Variants in SCAF11 observed in about 807,000 individuals in gnomAD.
SCAF11 encodes protein SCAF11.
A neutral mutation model predicts 140.5 loss-of-function variants in SCAF11; 47 were observed. The observed-to-expected ratio is 0.33, with a 90% CI of 0.26 to 0.43. The LOEUF is 0.43. Among genes scored for constraint, SCAF11 ranks in the 20% least tolerant of loss-of-function variants. SCAF11 has a pLI of 1.00. For synonymous variants in SCAF11, 557 were observed against 579.4 expected, an observed-to-expected ratio of 0.96 and a Z score of 0.55; for missense variants, 1,645 against 1,705.1, an observed-to-expected ratio of 0.96 and a Z score of 0.62.
intron 6 of SCAF11, among the ~76,000 whole-genome samples, chr12:45,938,066 G>C (rs1268790695): frequency 6.6e-6 from 1 of 152,148 alleles, no homozygotes; most frequent in East Asian, 1.9e-4. Context: ...AAATGTCTAT[G>C]TATCAGCTTT....
intron 1 of SCAF11, among the ~76,000 whole-genome samples, chr12:45,970,079 A>G (rs1416115230): frequency 6.6e-6 from 1 of 152,164 alleles, no homozygotes; most frequent in African/African-American, 2.4e-5. Flanking sequence ...TATTTTTAGG[A>G]GAGACGGGGT....
At chr12:45,990,599 T>C, upstream of SCAF11, 1 of 1,225,310 alleles carries the variant, frequency 8.2e-7, no homozygotes, top group Non-Finnish European at 1.0e-6. Context: ...TTGTCTAGCC[T>C]CCTCCCTCCC....
chr12:45,944,176 T>C (rs929913121), intron 6 of SCAF11, among the ~76,000 whole-genome samples: 1 of 152,190 alleles, frequency 6.6e-6, no homozygotes, highest in African/African-American at 2.4e-5. Flanking sequence ...GTTCTTAGAA[T>C]TGGCAAGCAA....
intron 1 of SCAF11, among the ~76,000 whole-genome samples, chr12:45,985,637 C>A (rs77797790): frequency 6.6e-6 from 1 of 152,078 alleles, no homozygotes; most frequent in African/African-American, 2.4e-5. Context: ...GCAAGGCTAC[C>A]GAAAAGATCA....
At chr12:45,982,867 T>C (rs1946378969) in intron 1 of SCAF11, among the ~76,000 whole-genome samples, 2 of 152,204 alleles carry the variant, frequency 1.3e-5, no homozygotes, top group African/African-American at 4.8e-5. Flanking sequence ...GAGCCTGGTA[T>C]TGGAATATAA....
At chr12:45,962,150 C>T (rs1945847642) in intron 2 of SCAF11, among the ~76,000 whole-genome samples, 1 of 152,124 alleles carries the variant, frequency 6.6e-6, no homozygotes, top group South Asian at 2.1e-4. Flanking sequence ...TTATCCCCAT[C>T]CAGTTCCAAC....
At chr12:45,990,998 G>C (rs920245569), upstream of SCAF11, among the ~76,000 whole-genome samples, 2 of 152,248 alleles carry the variant, frequency 1.3e-5, no homozygotes, top group African/African-American at 4.8e-5. Flanking sequence ...AGGCTTTAAG[G>C]GAACTGGACA....
At chr12:45,964,321 T>C (rs1945891934) in intron 1 of SCAF11, 133 bp from the exon 2 acceptor site, 1 of 571,964 alleles carries the variant, frequency 1.7e-6, no homozygotes, top group South Asian at 2.2e-5. Context: ...AGTTTGTGGA[T>C]AATCCAGTAC....
At chr12:45,964,917 CAG>C (rs935017932) in intron 1 of SCAF11, among the ~76,000 whole-genome samples, 2 of 148,922 alleles carry the variant, frequency 1.3e-5, no homozygotes, top group African/African-American at 5.2e-5. Context: ...TGAGAGAAAA[CAG>C]TGGGTGAAAG....
intron 1 of SCAF11, among the ~76,000 whole-genome samples, chr12:45,966,969 T>G (rs922089384): frequency 1.3e-5 from 2 of 152,198 alleles, no homozygotes; most frequent in Admixed American, 6.5e-5. Context: ...ACCTAAGAGA[T>G]GTTCAGATGT....
rs745949828 is a variant in SCAF11, at chr12:45,928,574, G to A, written c.1127C>T (p.Ser376Phe). 2 of 1,614,118 alleles carry A rather than the reference G, an allele frequency of 1.2e-6. No homozygotes were observed. The highest frequency in any genetic ancestry group is 2.2e-5 in the South Asian group (2 of 91,062). The change falls in exon 11 of 15, where the codon TCT becomes TTT. Residue 376 changes from serine (S) to phenylalanine (F), a missense_variant. Transcript: ENST00000369367. ...AGGTGGTTTTCTTCCTCTTCTTACA[G>A]ACTTCCGTTTTGGAGCCTGTCTTGT... is the stretch of plus-strand genomic sequence containing the variant. The part of the protein sequence containing the change: ...KQTRQAPKRK[S>F]VRRGRKPPLL...
intron 1 of SCAF11, among the ~76,000 whole-genome samples, chr12:45,985,238 C>A (rs1430487200): frequency 1.3e-5 from 2 of 152,182 alleles, no homozygotes; most frequent in Non-Finnish European, 2.9e-5. Context: ...TTTATAACTC[C>A]CTTCTCACCA....
In SCAF11 at chr12:45,924,735, T is replaced by C. The variant is rs1344297549; in HGVS notation, c.3899A>G (p.Gln1300Arg). Residue 1300 changes from glutamine to arginine, a missense_variant, in exon 12 of 15, where the codon CAA becomes CGA. By Grantham distance (43) the Gln-to-Arg change is conservative. Around this residue, in one of 2 missense-constraint regions of SCAF11, gnomAD observed 1,582 missense variants for 1,609.2 expected, o/e 0.98. Transcript: ENST00000369367. ...GAGTTGCTAAAAACATACCTGCAATTGCTTTCCATCTGGTTGTGAAGCAAT... is the reference window on the plus strand; with the variant it reads ...GAGTTGCTAAAAACATACCTGCAATCGCTTTCCATCTGGTTGTGAAGCAAT... ...NYIASQPDGK[Q>R]LQGIPSSSHV... 6.2e-7 allele frequency: 1 copy of C among 1,601,984 alleles called. No individual in the cohort carries two copies. Among genetic ancestry groups the C allele is most frequent in the South Asian group, 1.1e-5 (1 of 90,698 alleles).
At chr12:45,936,621 T>C (rs1320709433) in intron 6 of SCAF11, among the ~76,000 whole-genome samples, 1 of 152,208 alleles carries the variant, frequency 6.6e-6, no homozygotes, top group African/African-American at 2.4e-5. Context: ...CAAAACTCTT[T>C]CTTTGTCCTG....
chr12:45,972,461 T>A (rs936389181), intron 1 of SCAF11, among the ~76,000 whole-genome samples: 2 of 151,848 alleles, frequency 1.3e-5, no homozygotes, highest in East Asian at 3.9e-4. Flanking sequence ...GGTGTGTCAC[T>A]GTAGTCCCAG....
At chr12:45,973,113 C>CAG (rs1448793409) in intron 1 of SCAF11, among the ~76,000 whole-genome samples, 5 of 148,776 alleles carry the variant, frequency 3.4e-5, no homozygotes, top group Non-Finnish European at 3.0e-5. Context: ...AGCAAACAAA[C>CAG]AGAAGACATA....
rs758535790 is a variant in SCAF11, at chr12:45,926,626, T to C, written c.3075A>G (p.Thr1025=). The part of the protein sequence containing the change: ...KHRNDCPNWI[T]EKINSGPDPR... ...GATCAGGCCCAGAGTTTATTTTTTC[T>C]GTTATCCAATTGGGACAGTCATTTC... Residue 1025 remains threonine (T), a synonymous_variant, in exon 11 of 15, where the codon ACA becomes ACG. Transcript: ENST00000369367. 2.5e-6 allele frequency: 4 copies of C among 1,614,098 alleles called. No individual in the cohort carries two copies. Among genetic ancestry groups the C allele is most frequent in the Non-Finnish European group, 2.5e-6 (3 of 1,180,036 alleles).
At chr12:45,936,406 T>A (rs952425155) in intron 6 of SCAF11, among the ~76,000 whole-genome samples, 3 of 152,078 alleles carry the variant, frequency 2.0e-5, no homozygotes, top group Non-Finnish European at 1.5e-5. Context: ...CCTCCCAAAG[T>A]GCTGGGATCA....
chr12:45,948,449 T>C lies in SCAF11; in HGVS notation c.386A>G (p.Lys129Arg). Residue 129 changes from lysine (K) to arginine (R), a missense_variant, in exon 5 of 15, where the codon AAA becomes AGA. Transcript: ENST00000369367. ...GTTAATCACTAACCTTATACAGCTT[T>C]TAGAATTTTCATGACAGGAGACCTG... ...EKQVSCHENS[K>R]SCIRRKAIVR... The C allele has an allele frequency of 6.2e-7, 1 of 1,606,876 alleles. No homozygotes were observed. The highest frequency in any genetic ancestry group is 8.5e-7 in the Non-Finnish European group (1 of 1,175,166).
Sources: allele counts gnomAD v4.1 joint callset (sites outside exome capture counted in the v4.1 genomes callset), GRCh38; gene constraint gnomAD v4.1.1; regional missense constraint gnomAD v4.1.1; transcripts MANE v1.5; gene names NCBI Gene and HGNC (gene_info 2026-07-23, HGNC 2026-07-21).